Variants in GSDMC observed in about 807,000 individuals in gnomAD.
The protein encoded by GSDMC is gasdermin C.
GSDMC carries 59 observed loss-of-function variants against 58.0 expected under a neutral mutation model. The observed-to-expected ratio is 1.02, with a 90% CI of 0.82 to 1.26. The LOEUF is 1.26. Among genes scored for constraint, GSDMC ranks in the 50% most tolerant of loss-of-function variants. The pLI, the probability that GSDMC is intolerant of heterozygous loss-of-function variation, is 0.00. For missense variants in GSDMC, 659 were observed against 598.5 expected (o/e 1.10, Z -1.06); for synonymous variants, 241 against 220.2 (o/e 1.09, Z -0.83).
At chr8:129,741,921 T>TAC in the GSDMC span, among the ~76,000 whole-genome samples, 2 of 144,258 alleles carry the variant, frequency 1.4e-5, no homozygotes, top group African/African-American at 5.3e-5. Context: ...ATGTAATATA[T>TAC]ATATATATAT....
the GSDMC span, among the ~76,000 whole-genome samples, chr8:129,711,884 G>A: frequency 6.6e-5 from 10 of 152,266 alleles, no homozygotes; most frequent in East Asian, 3.9e-4. Context: ...CAACTAAAAC[G>A]AGGCACAATT....
intron 10 of GSDMC, 74 bp downstream of exon 10, chr8:129,751,468 A>C: frequency 7.7e-7 from 1 of 1,303,078 alleles, no homozygotes; most frequent in Non-Finnish European, 1.1e-6. Flanking sequence ...ACTTGCATAG[A>C]AACCACCAAC....
At chr8:129,714,960 C>T in the GSDMC span, among the ~76,000 whole-genome samples, 1 of 152,124 alleles carries the variant, frequency 6.6e-6, no homozygotes, top group African/African-American at 2.4e-5. Context: ...ATGTAATAGA[C>T]ATAATATACA....
the GSDMC span, among the ~76,000 whole-genome samples, chr8:129,715,348 C>A: frequency 6.6e-6 from 1 of 151,974 alleles, no homozygotes; most frequent in Admixed American, 6.6e-5. Flanking sequence ...TGTCCCAGAA[C>A]AAGACTCTGT....
chr8:129,782,302 G>T (rs553906987), intron 1 of GSDMC, among the ~76,000 whole-genome samples: 1 of 152,088 alleles, frequency 6.6e-6, no homozygotes, highest in Admixed American at 6.5e-5. Flanking sequence ...GCATTTTAAA[G>T]AACTAGAAAA....
intron 1 of GSDMC, among the ~76,000 whole-genome samples, chr8:129,780,703 T>C (rs114635625): frequency 0.014 from 2,173 of 152,270 alleles, 61 homozygotes; most frequent in African/African-American, 0.049. Context: ...CATCTGAAGG[T>C]ACAAAACTCA....
downstream of GSDMC, among the ~76,000 whole-genome samples, chr8:129,745,996 G>A (rs2032954227): frequency 6.9e-6 from 1 of 145,222 alleles, no homozygotes; most frequent in African/African-American, 2.4e-5. Context: ...AAAGAGTTGA[G>A]AAAAACTCAT....
the GSDMC span, among the ~76,000 whole-genome samples, chr8:129,725,913 T>C: frequency 3.9e-5 from 6 of 152,224 alleles, no homozygotes; most frequent in Non-Finnish European, 5.9e-5. Context: ...GAACTTTGTA[T>C]CCACCAAGAT....
At chr8:129,723,566 G>A in the GSDMC span, among the ~76,000 whole-genome samples, 13 of 151,978 alleles carry the variant, frequency 8.6e-5, no homozygotes, top group East Asian at 7.7e-4. Context: ...GCGCCTGGCC[G>A]CATCTAGCAG....
chr8:129,780,832 A>G (rs907542288), intron 1 of GSDMC, among the ~76,000 whole-genome samples: 2 of 152,210 alleles, frequency 1.3e-5, no homozygotes, highest in African/African-American at 4.8e-5. Context: ...AGCAACTACA[A>G]CTTTCAAGAC....
At chr8:129,781,574 C>T (rs1286592823) in intron 1 of GSDMC, among the ~76,000 whole-genome samples, 2 of 152,032 alleles carry the variant, frequency 1.3e-5, no homozygotes, top group African/African-American at 4.8e-5. Context: ...GAAACCCTGT[C>T]TCTATTAAAA....
the GSDMC span, among the ~76,000 whole-genome samples, chr8:129,737,793 A>G: frequency 6.6e-6 from 1 of 152,240 alleles, no homozygotes; most frequent in Admixed American, 6.5e-5. Flanking sequence ...AATGGCAACA[A>G]AAGCCAAAAT....
intron 6 of GSDMC, among the ~76,000 whole-genome samples, chr8:129,753,156 C>G (rs537185475): frequency 6.6e-6 from 1 of 152,212 alleles, no homozygotes; most frequent in Non-Finnish European, 1.5e-5. Flanking sequence ...AAAGAGACAC[C>G]AGCTGGGGTG....
chr8:129,716,009 C>T, the GSDMC span, among the ~76,000 whole-genome samples: 7 of 151,822 alleles, frequency 4.6e-5, no homozygotes, highest in African/African-American at 1.7e-4. Context: ...AATAACAATA[C>T]AAAGTTATAG....
At chr8:129,742,394 T>C in the GSDMC span, among the ~76,000 whole-genome samples, 1 of 152,208 alleles carries the variant, frequency 6.6e-6, no homozygotes, top group Non-Finnish European at 1.5e-5. Flanking sequence ...TATACAATTA[T>C]GATTTATCAA....
At chr8:129,706,028 A>G in the GSDMC span, among the ~76,000 whole-genome samples, 3 of 152,206 alleles carry the variant, frequency 2.0e-5, no homozygotes, top group East Asian at 3.9e-4. Flanking sequence ...AATAGTAATT[A>G]ACATGAAGAA....
chr8:129,711,393 C>T, the GSDMC span, among the ~76,000 whole-genome samples: 7 of 152,146 alleles, frequency 4.6e-5, 1 homozygote, highest in Non-Finnish European at 5.9e-5. Flanking sequence ...TACCAAAAAT[C>T]ACACATTTGG....
chr8:129,778,633 T>C (rs2034317533), intron 1 of GSDMC, among the ~76,000 whole-genome samples: 1 of 152,150 alleles, frequency 6.6e-6, no homozygotes, highest in Non-Finnish European at 1.5e-5. Flanking sequence ...ACTTAAGAGC[T>C]TCTGCACAGC....
the GSDMC span, among the ~76,000 whole-genome samples, chr8:129,715,171 A>G: frequency 6.6e-6 from 1 of 152,166 alleles, no homozygotes; most frequent in Admixed American, 6.5e-5. Context: ...CCCAACCTAG[A>G]TGTGAAAGCC....
Sources: gnomAD v4.1 joint callset for allele counts (sites outside exome capture counted in the v4.1 genomes callset) on GRCh38, gnomAD v4.1.1 for gene constraint, MANE v1.5 for transcripts, NCBI Gene and HGNC (gene_info 2026-07-23, HGNC 2026-07-21) for gene names.